MAGI1: variants seen among roughly 807,000 people sequenced by gnomAD.
MAGI1 encodes membrane-associated guanylate kinase, WW and PDZ domain-containing protein 1.
In MAGI1, 58 loss-of-function variants were observed where a neutral mutation model predicts 139.9. The observed-to-expected ratio is 0.41, with a 90% CI of 0.34 to 0.52. The LOEUF (loss-of-function observed/expected upper bound fraction) is 0.52, where lower values mean the gene tolerates loss of function less well. Among genes scored for constraint, MAGI1 ranks in the 20% least tolerant of loss-of-function variants. The pLI is 0.12. For synonymous variants in MAGI1, 812 were observed against 737.9 expected (o/e 1.10, Z -1.63); for missense variants, 1,874 against 1,901.6 (o/e 0.99, Z 0.27).
At chr3:65,816,880 C>T (rs6796986) in intron 1 of MAGI1, among the ~76,000 whole-genome samples, 99,449 of 152,038 alleles carry the variant, frequency 0.65, 32,859 homozygotes, top group East Asian at 0.93. Context: ...AAAAGAATCT[C>T]TTCTTTCATC....
At chr3:65,807,194 G>C (rs922529731) in intron 1 of MAGI1, among the ~76,000 whole-genome samples, 1 of 152,166 alleles carries the variant, frequency 6.6e-6, no homozygotes, top group Non-Finnish European at 1.5e-5. Context: ...GAACGCCTTA[G>C]ACTGGGTAAT....
At chr3:65,482,528 T>C (rs1489769490) in intron 3 of MAGI1, among the ~76,000 whole-genome samples, 2 of 152,212 alleles carry the variant, frequency 1.3e-5, no homozygotes. Flanking sequence ...ATGGGAATGG[T>C]AGCACCAGCT....
intron 1 of MAGI1, among the ~76,000 whole-genome samples, chr3:65,827,267 C>T (rs1402413172): frequency 6.6e-6 from 1 of 152,098 alleles, no homozygotes; most frequent in African/African-American, 2.4e-5. Flanking sequence ...GCCTAAGAGA[C>T]TTTCAGAATG....
Position 65,798,352 on chromosome 3 carries a change from C to T in MAGI1, c.314-176264G>A, listed in dbSNP as rs560627099. 5.9e-5 allele frequency among the ~76,000 whole-genome samples: 9 copies of T among 152,200 alleles called. No homozygotes were observed. In the South Asian group the frequency reaches 1.9e-3, roughly 32 times the overall value. On this transcript the variant is annotated intron_variant, in intron 1 of 22. Coordinates refer to ENST00000402939, the MANE Select transcript of MAGI1 (RefSeq NM_001033057.2). ...ACAAACAAACACAGCCTCAGAAGCACTGAAAATGACAACCCCTCGCCCATT... is the reference window on the plus strand; with the variant it reads ...ACAAACAAACACAGCCTCAGAAGCATTGAAAATGACAACCCCTCGCCCATT...
chr3:65,955,022 T>G (rs2064045902), intron 1 of MAGI1, among the ~76,000 whole-genome samples: 1 of 152,302 alleles, frequency 6.6e-6, no homozygotes, highest in South Asian at 2.1e-4. Context: ...AGCAAAAGAC[T>G]ACCTGTTTGT....
intron 2 of MAGI1, 92 bp downstream of exon 2, chr3:65,621,879 GA>G: frequency 1.2e-6 from 1 of 859,460 alleles, no homozygotes; most frequent in Non-Finnish European, 1.9e-6. Flanking sequence ...AGGTGTTCCA[GA>G]ACCAGTTGTT....
intron 1 of MAGI1, among the ~76,000 whole-genome samples, chr3:65,903,006 T>C (rs1171393792): frequency 6.6e-6 from 1 of 151,860 alleles, no homozygotes; most frequent in Non-Finnish European, 1.5e-5. Context: ...GGGGGAGTGG[T>C]GGGGAGAGGT....
intron 1 of MAGI1, among the ~76,000 whole-genome samples, chr3:65,638,937 CA>C (rs1443510913): frequency 6.6e-6 from 1 of 151,946 alleles, no homozygotes; most frequent in Non-Finnish European, 1.5e-5. Context: ...TTAGTAGAGA[CA>C]AGGTTGTGCT....
intron 5 of MAGI1, 33 bp from the exon 6 acceptor site, chr3:65,453,373 TTG>T: frequency 6.8e-7 from 1 of 1,471,334 alleles, no homozygotes; most frequent in Non-Finnish European, 9.3e-7. Context: ...AGAAATTTGT[TTG>T]AAAAAAAAAA....
At chr3:65,440,900 G>GGTACATATA (rs1948270984) in intron 8 of MAGI1, among the ~76,000 whole-genome samples, 2 of 134,350 alleles carry the variant, frequency 1.5e-5, no homozygotes, top group African/African-American at 6.1e-5. Flanking sequence ...TGGTACATAT[G>GGTACATATA]TGTGTATATA....
chr3:65,557,492 A>T (rs1264041480), intron 2 of MAGI1, among the ~76,000 whole-genome samples: 1 of 152,176 alleles, frequency 6.6e-6, no homozygotes, highest in Non-Finnish European at 1.5e-5. Context: ...CCACCCCTGG[A>T]TTCCTGACCC....
chr3:65,837,600 T>C (rs998306776), intron 1 of MAGI1, among the ~76,000 whole-genome samples: 25 of 152,214 alleles, frequency 1.6e-4, no homozygotes, highest in Non-Finnish European at 2.9e-4. Context: ...AACGTCCTGA[T>C]GCTTGGTAAC....
At chr3:65,970,202 C>A (rs1238918717) in intron 1 of MAGI1, among the ~76,000 whole-genome samples, 1 of 152,098 alleles carries the variant, frequency 6.6e-6, no homozygotes, top group Non-Finnish European at 1.5e-5. Flanking sequence ...ACGTGAATAA[C>A]CTTGAAGACA....
At chr3:65,565,109 C>T (rs1316605711) in intron 2 of MAGI1, among the ~76,000 whole-genome samples, 1 of 152,138 alleles carries the variant, frequency 6.6e-6, no homozygotes, top group Non-Finnish European at 1.5e-5. Flanking sequence ...CGGGTGCACA[C>T]ACATATATAC....
chr3:65,615,171 C>T (rs1382150969), intron 2 of MAGI1, among the ~76,000 whole-genome samples: 1 of 152,148 alleles, frequency 6.6e-6, no homozygotes, highest in Admixed American at 6.5e-5. Context: ...ATCACAATGT[C>T]AGTTTTATTG....
At chr3:65,611,479 A>G (rs2083107710) in intron 2 of MAGI1, among the ~76,000 whole-genome samples, 1 of 145,954 alleles carries the variant, frequency 6.9e-6, no homozygotes, top group Non-Finnish European at 1.5e-5. Flanking sequence ...TACTATACAT[A>G]CACACATGTA....
chr3:65,773,541 G>C (rs936095928), intron 1 of MAGI1, among the ~76,000 whole-genome samples: 2 of 151,946 alleles, frequency 1.3e-5, no homozygotes, highest in African/African-American at 2.4e-5. Context: ...TCAAAAAAAA[G>C]ACAAAAAAGA....
chr3:66,021,446 G>A (rs1330129525), intron 1 of MAGI1, among the ~76,000 whole-genome samples: 1 of 152,144 alleles, frequency 6.6e-6, no homozygotes, highest in Non-Finnish European at 1.5e-5. Flanking sequence ...CCCCCTAGAA[G>A]AACTTGCAGC....
At chr3:65,618,162 C>T (rs79748457) in intron 2 of MAGI1, among the ~76,000 whole-genome samples, 2,317 of 152,212 alleles carry the variant, frequency 0.015, 61 homozygotes, top group African/African-American at 0.051. Flanking sequence ...TAAGAAGACA[C>T]AAAGTGTGTT....
Sources: allele counts gnomAD v4.1 joint callset (sites outside exome capture counted in the v4.1 genomes callset), GRCh38; gene constraint gnomAD v4.1.1; transcripts MANE v1.5; gene names NCBI Gene and HGNC (gene_info 2026-07-23, HGNC 2026-07-21).